The following PCDH15 variants were observed in gnomAD, a reference collection of about 807,000 sequenced individuals.
PCDH15 encodes protocadherin related 15, also known as protocadherin-15.
A neutral mutation model predicts 178.5 loss-of-function variants in PCDH15; 129 were observed. The observed-to-expected ratio is 0.72, with a 90% CI of 0.63 to 0.84. The LOEUF is 0.84. Ranked by LOEUF, PCDH15 falls within the 40% of genes least tolerant of loss-of-function variation. PCDH15 has a pLI of 0.00. For synonymous variants in PCDH15, 800 were observed against 732.0 expected (o/e 1.09, Z -1.50); for missense variants, 2,230 against 2,099.9 (o/e 1.06, Z -1.21).
chr10:55,480,160 A>G (rs781005467), intron 2 of PCDH15, among the ~76,000 whole-genome samples: 40 of 151,400 alleles, frequency 2.6e-4, no homozygotes, highest in Admixed American at 5.9e-4. Context: ...TGTTTGTGTC[A>G]TGTATGATTT....
intron 1 of PCDH15, among the ~76,000 whole-genome samples, chr10:55,292,575 T>C (rs1289217540): frequency 6.6e-6 from 1 of 152,080 alleles, no homozygotes; most frequent in African/African-American, 2.4e-5. Flanking sequence ...AGAGATGCAG[T>C]TTCACCATGT....
chr10:54,421,945 A>ATAT (rs1565232601), intron 3 of PCDH15, among the ~76,000 whole-genome samples: 4 of 112,816 alleles, frequency 3.5e-5, no homozygotes, highest in African/African-American at 3.9e-5. Context: ...ATATATATAT[A>ATAT]AAAATATATA....
At chr10:55,385,496 A>C (rs901155231) in intron 2 of PCDH15, among the ~76,000 whole-genome samples, 2 of 151,924 alleles carry the variant, frequency 1.3e-5, no homozygotes, top group African/African-American at 4.8e-5. Flanking sequence ...AAATCATTAG[A>C]GATAATAATA....
chr10:54,766,942 A>AAAC (rs1463471915), intron 1 of PCDH15, among the ~76,000 whole-genome samples: 4 of 152,004 alleles, frequency 2.6e-5, no homozygotes, highest in East Asian at 3.9e-4. Context: ...AAAAACAAAA[A>AAAC]AAAAAATCTA....
intron 1 of PCDH15, among the ~76,000 whole-genome samples, chr10:55,274,965 GGT>G (rs1309902155): frequency 2.0e-5 from 3 of 152,078 alleles, no homozygotes; most frequent in African/African-American, 7.2e-5. Flanking sequence ...GCGACCCAAG[GGT>G]AGGGACCCCT....
chr10:54,419,695 A>G (rs1954973515), intron 3 of PCDH15, among the ~76,000 whole-genome samples: 1 of 152,106 alleles, frequency 6.6e-6, no homozygotes, highest in Non-Finnish European at 1.5e-5. Context: ...ATGTGCAGTT[A>G]TTTCTCCCCA....
At chr10:55,221,872 A>T (rs1213400633) in intron 1 of PCDH15, among the ~76,000 whole-genome samples, 8 of 146,352 alleles carry the variant, frequency 5.5e-5, no homozygotes, top group Non-Finnish European at 7.6e-5. Context: ...TTTTATCATT[A>T]TTTTTTTTTT....
At chr10:54,296,561 T>C (rs1255107914) in intron 8 of PCDH15, among the ~76,000 whole-genome samples, 1 of 152,114 alleles carries the variant, frequency 6.6e-6, no homozygotes, top group African/African-American at 2.4e-5. Flanking sequence ...TAGTTTCTCG[T>C]ATAAGAATGA....
chr10:54,236,420 T>C (rs2134382069), intron 9 of PCDH15, among the ~76,000 whole-genome samples: 1 of 152,208 alleles, frequency 6.6e-6, no homozygotes, highest in East Asian at 1.9e-4. Flanking sequence ...CTTTTTAAAT[T>C]CAGTCATATA....
Position 54,513,409 on chromosome 10 carries a change from C to G in PCDH15, c.157+14403G>C, listed in dbSNP as rs138888739. Among the ~76,000 whole-genome samples, 817 of 151,956 alleles carry G rather than the reference C, an allele frequency of 5.4e-3. 10 individuals carry two copies. Among genetic ancestry groups the G allele is most frequent in the Middle Eastern group, 0.044 (13 of 294 alleles). On this transcript the variant is annotated intron_variant, in intron 3 of 37. Transcript: ENST00000644397. ...CCAAGTAGCTGAGATTACAGGTGCA[C>G]GCCCCCATGCCTGGCTAAAATAATA...
chr10:54,744,570 A>G (rs373149419), intron 1 of PCDH15, among the ~76,000 whole-genome samples: 109 of 152,268 alleles, frequency 7.2e-4, no homozygotes, highest in Middle Eastern at 3.4e-3. Context: ...ATATATGTTA[A>G]TTACTCAGTA....
At chr10:54,794,851 T>A (rs933750509) in intron 1 of PCDH15, among the ~76,000 whole-genome samples, 3 of 151,910 alleles carry the variant, frequency 2.0e-5, no homozygotes, top group South Asian at 2.1e-4. Flanking sequence ...TTGCTTTTTT[T>A]AAAACATAGT....
At chr10:54,347,236 T>A (rs1450449360) in intron 5 of PCDH15, among the ~76,000 whole-genome samples, 3 of 152,176 alleles carry the variant, frequency 2.0e-5, no homozygotes, top group Admixed American at 6.5e-5. Context: ...GTAATTTTTT[T>A]AAATTTTCCC....
intron 2 of PCDH15, among the ~76,000 whole-genome samples, chr10:55,038,862 A>G (rs933364047): frequency 2.8e-4 from 42 of 152,334 alleles, no homozygotes; most frequent in African/African-American, 9.6e-4. Context: ...AGAATTCCAC[A>G]GTGTAAAAAT....
intron 2 of PCDH15, among the ~76,000 whole-genome samples, chr10:54,558,945 C>G (rs2133323344): frequency 6.6e-6 from 1 of 152,102 alleles, no homozygotes; most frequent in East Asian, 1.9e-4. Flanking sequence ...TCTAAGTACT[C>G]AATTCAAATA....
chr10:54,823,221 ACACACG>A (rs1055163791), intron 3 of PCDH15, among the ~76,000 whole-genome samples: 44 of 151,416 alleles, frequency 2.9e-4, no homozygotes, highest in East Asian at 2.0e-3. Context: ...ACACACACAC[ACACACG>A]CACACGCACA....
intron 16 of PCDH15, among the ~76,000 whole-genome samples, chr10:54,086,004 G>A (rs892937974): frequency 6.6e-6 from 1 of 152,114 alleles, no homozygotes; most frequent in African/African-American, 2.4e-5. Context: ...ATATTGAAGT[G>A]TCTGATGAGG....
At chr10:54,068,109 C>T (rs1373756893) in intron 17 of PCDH15, among the ~76,000 whole-genome samples, 1 of 152,024 alleles carries the variant, frequency 6.6e-6, no homozygotes, top group Non-Finnish European at 1.5e-5. Flanking sequence ...CAAATGTAAA[C>T]CCAGTATTGA....
chr10:53,919,191 A>G (rs2083786736), intron 25 of PCDH15, among the ~76,000 whole-genome samples: 1 of 152,158 alleles, frequency 6.6e-6, no homozygotes, highest in South Asian at 2.1e-4. Context: ...ATGTAAATTA[A>G]TATCTTCCCA....
Sources: gnomAD v4.1 joint callset for allele counts (sites outside exome capture counted in the v4.1 genomes callset) on GRCh38, gnomAD v4.1.1 for gene constraint, MANE v1.5 for transcripts, NCBI Gene and HGNC (gene_info 2026-07-23, HGNC 2026-07-21) for gene names.